The following GALNT7 variants were observed in gnomAD, a reference collection of about 807,000 sequenced individuals.
GALNT7 encodes the protein polypeptide N-acetylgalactosaminyltransferase 7.
Under a neutral mutation model 82.1 loss-of-function variants are expected in GALNT7, and 60 were observed. The ratio of observed to expected loss-of-function variants is 0.73; its 90% CI spans 0.59 to 0.91. The LOEUF is 0.91. Ranked by LOEUF, GALNT7 falls within the 40% of genes least tolerant of loss-of-function variation. The pLI is 0.00. For synonymous variants in GALNT7, 243 were observed against 275.1 expected (o/e 0.88, Z 1.15); for missense variants, 660 against 804.2 (o/e 0.82, Z 2.17).
chr4:173,298,343 C>T, intron 6 of GALNT7, 46 bp downstream of exon 6: 1 of 1,300,450 alleles, frequency 7.7e-7, no homozygotes, highest in Non-Finnish European at 1.1e-6. Context: ...CCAGTTGCTG[C>T]TAACCTATTA....
At chr4:173,233,450 C>T (rs1021503462) in intron 1 of GALNT7, among the ~76,000 whole-genome samples, 1 of 152,152 alleles carries the variant, frequency 6.6e-6, no homozygotes, top group Non-Finnish European at 1.5e-5. Context: ...GATGATACTT[C>T]ATTGCGGTTT....
At chr4:173,287,067 C>T (rs73003331) in intron 2 of GALNT7, among the ~76,000 whole-genome samples, 4,794 of 152,224 alleles carry the variant, frequency 0.031, 143 homozygotes, top group African/African-American at 0.082. Flanking sequence ...TTGGACAGGG[C>T]CTGTTTCAGC....
At chr4:173,172,328 AC>A in intron 1 of GALNT7, among the ~76,000 whole-genome samples, 1 of 152,290 alleles carries the variant, frequency 6.6e-6, no homozygotes, top group South Asian at 2.1e-4. Flanking sequence ...ACTCATGCTC[AC>A]TTGAGGCATT....
rs1737652934 is a variant in GALNT7 at position 173,317,633 on chromosome 4, G to T, written c.1609-1G>T. 1 of 1,596,384 alleles carries T rather than the reference G, an allele frequency of 6.3e-7. No homozygotes were observed. Among genetic ancestry groups the T allele is most frequent in the Non-Finnish European group, 8.6e-7 (1 of 1,164,474 alleles). On this transcript the variant is annotated splice_acceptor_variant, in intron 9 of 11. Coordinates refer to ENST00000265000, the MANE Select transcript of GALNT7 (RefSeq NM_017423.3). LOFTEE classifies it high-confidence loss of function. ...TTTTGCGTCTTTATTCATTTTTTTAGATCAGAGGCTTCGAAACTGCTTACT... is the reference window on the plus strand; with the variant it reads ...TTTTGCGTCTTTATTCATTTTTTTATATCAGAGGCTTCGAAACTGCTTACT...
chr4:173,234,906 T>C (rs1734162387), intron 1 of GALNT7, among the ~76,000 whole-genome samples: 1 of 152,190 alleles, frequency 6.6e-6, no homozygotes, highest in South Asian at 2.1e-4. Context: ...CCTTCCCTAC[T>C]GCCATGCATG....
intron 6 of GALNT7, among the ~76,000 whole-genome samples, chr4:173,298,684 A>G (rs1370370354): frequency 6.6e-6 from 1 of 152,244 alleles, no homozygotes; most frequent in Non-Finnish European, 1.5e-5. Context: ...CTTTAATCCA[A>G]CCAAGACTTT....
intron 1 of GALNT7, among the ~76,000 whole-genome samples, chr4:173,183,680 G>A (rs567353110): frequency 3.3e-5 from 5 of 152,162 alleles, no homozygotes; most frequent in Admixed American, 6.5e-5. Context: ...CCTCCCAGAC[G>A]GGGCGGCCGG....
chr4:173,307,170 T>A (rs754378384), intron 8 of GALNT7, among the ~76,000 whole-genome samples: 4 of 152,240 alleles, frequency 2.6e-5, no homozygotes, highest in Non-Finnish European at 4.4e-5. Flanking sequence ...TTTTCTCTCA[T>A]TGCAGAAGTT....
chr4:173,235,834 G>A (rs926690608), intron 1 of GALNT7, among the ~76,000 whole-genome samples: 4 of 152,106 alleles, frequency 2.6e-5, no homozygotes, highest in South Asian at 2.1e-4. Context: ...GATTACAGGC[G>A]TGAGCCACCA....
intron 1 of GALNT7, among the ~76,000 whole-genome samples, chr4:173,235,681 A>T (rs1734201368): frequency 6.6e-6 from 1 of 150,696 alleles, no homozygotes; most frequent in African/African-American, 2.4e-5. Context: ...TCAGCCTCCC[A>T]AGTAGCTGGG....
rs1187371813 is a variant in GALNT7, at chr4:173,222,306, TC to T, written c.127-25673del. Among the ~76,000 whole-genome samples, 36 of 152,348 alleles carry T rather than the reference TC, an allele frequency of 2.4e-4. No homozygotes were observed. The East Asian group carries it at 6.5e-3, about 28-fold the overall frequency. On this transcript the variant is annotated intron_variant, in intron 1 of 11. Transcript: ENST00000265000. ...ATTATTTTTTGAGATGGAGTCTCGC[TC>T]TGACCCCCAGGCTGGAGTGCAATGA...
At position 173,302,249 on chromosome 4, in the gene GALNT7, A is replaced by G. The variant is rs894825518; in HGVS notation, c.1266+85A>G. 1.2e-5 allele frequency: 9 copies of G among 753,292 alleles called. No homozygotes were observed. Among genetic ancestry groups the G allele is most frequent in the Middle Eastern group, 2.4e-4 (1 of 4,132 alleles). 46.7% of individuals were successfully genotyped at this position (753,292 alleles called of 1,614,324 possible). A position where few individuals can be genotyped will look rare whatever the true frequency, so the allele number is the denominator to read the frequency against. ...AGATAAAGCTAGTTTTTTGTGGGGG[A>G]AAAAAGCCCACAATTATATCATGCA... On this transcript the variant is annotated intron_variant, in intron 7 of 11. Coordinates refer to ENST00000265000, the MANE Select transcript of GALNT7 (RefSeq NM_017423.3). The surrounding 1 kb of genome is among the most constrained non-coding windows in gnomAD (Gnocchi z 4.2).
At chr4:173,299,378 A>C (rs1736836363) in intron 6 of GALNT7, among the ~76,000 whole-genome samples, 1 of 152,216 alleles carries the variant, frequency 6.6e-6, no homozygotes, top group Admixed American at 6.5e-5. Flanking sequence ...GAGAAAAAAA[A>C]TAAAGGGTGC....
chr4:173,189,641 A>C (rs1322926786), intron 1 of GALNT7, among the ~76,000 whole-genome samples: 1 of 152,240 alleles, frequency 6.6e-6, no homozygotes, highest in African/African-American at 2.4e-5. Context: ...GTCTAATAAA[A>C]GTATGCACCG....
chr4:173,193,201 C>T (rs1732676250), intron 1 of GALNT7, among the ~76,000 whole-genome samples: 1 of 152,212 alleles, frequency 6.6e-6, no homozygotes, highest in Non-Finnish European at 1.5e-5. Flanking sequence ...CGTGCCTGTT[C>T]TTCCTGCTGA....
At chr4:173,222,644 A>T (rs557878901) in intron 1 of GALNT7, among the ~76,000 whole-genome samples, 22 of 152,290 alleles carry the variant, frequency 1.4e-4, no homozygotes, top group Non-Finnish European at 2.4e-4. Context: ...CCTACACATG[A>T]TCTCATTTGA....
intron 3 of GALNT7, among the ~76,000 whole-genome samples, chr4:173,295,112 A>G (rs1053684843): frequency 2.0e-5 from 3 of 152,220 alleles, no homozygotes; most frequent in Non-Finnish European, 4.4e-5. Context: ...TGTGAACAGG[A>G]ACAAAAATTT....
intron 1 of GALNT7, among the ~76,000 whole-genome samples, chr4:173,208,202 G>A (rs975062784): frequency 2.6e-5 from 4 of 151,440 alleles, no homozygotes; most frequent in African/African-American, 9.7e-5. Flanking sequence ...GGTTACAAAA[G>A]ATGTAATAGT....
chr4:173,301,567 T>C lies in GALNT7; in HGVS notation c.1149-480T>C, dbSNP rs79579396. ...ATGAACTGTGGTTGTTCTACAATGA[T>C]TTACACTGTTATTTGGCGAGCCCCT... On this transcript the variant is annotated intron_variant, in intron 6 of 11. Transcript: ENST00000265000. Among the ~76,000 whole-genome samples, 138 of 152,314 alleles carry C rather than the reference T, an allele frequency of 9.1e-4. 1 individual carries two copies. In the East Asian group the frequency reaches 0.021, roughly 24 times the overall value.
Sources: gnomAD v4.1 joint callset for allele counts (sites outside exome capture counted in the v4.1 genomes callset) on GRCh38, gnomAD v4.1.1 for gene constraint, Gnocchi (gnomAD v3.1) non-coding constraint, MANE v1.5 for transcripts, NCBI Gene and HGNC (gene_info 2026-07-23, HGNC 2026-07-21) for gene names.